Variants in COL5A1 observed in about 807,000 individuals in gnomAD.
COL5A1 encodes collagen alpha-1(V) chain.
In COL5A1, 16 loss-of-function variants were observed where a neutral mutation model predicts 263.7. That is an observed-to-expected ratio of 0.06 (90% confidence interval 0.04 to 0.09). COL5A1 has a LOEUF of 0.09. Ranked by LOEUF, COL5A1 falls within the 10% of genes least tolerant of loss-of-function variation. The pLI, the probability that COL5A1 is intolerant of heterozygous loss-of-function variation, is 1.00. For synonymous variants in COL5A1, 1,012 were observed against 1,004.5 expected (o/e 1.01, Z -0.14); for missense variants, 2,036 against 2,540.5 (o/e 0.80, Z 4.27).
chr9:134,803,125 TC>T, intron 39 of COL5A1, 130 bp downstream of exon 39: 1 of 794,186 alleles, frequency 1.3e-6, no homozygotes, highest in Non-Finnish European at 2.2e-6. Flanking sequence ...GCCGGTTCAC[TC>T]CCCAGACCGC....
In COL5A1 at chr9:134,730,340, T is replaced by C. The variant is rs754187212; in HGVS notation, c.1029T>C (p.Ser343=). ...TCGGGGACTATGACTACGTGCCCAGTGAGGACTACTACACGCCCTCACCGT... is the reference window on the plus strand; with the variant it reads ...TCGGGGACTATGACTACGTGCCCAGCGAGGACTACTACACGCCCTCACCGT... ...VGIGDYDYVP[S]EDYYTPSPYD... Residue 343 remains serine (S), a synonymous_variant, in exon 7 of 66, where the codon AGT becomes AGC. Transcript: ENST00000371817. 6.2e-7 allele frequency: 1 copy of C among 1,614,068 alleles called. No homozygotes were observed.
rs753245063 is a variant in COL5A1 at position 134,835,147 on chromosome 9, C to G, written c.5313C>G (p.Asp1771Glu). 4.3e-6 allele frequency: 7 copies of G among 1,613,876 alleles called. No individual in the cohort carries two copies. The South Asian group carries it at 7.7e-5, about 18-fold the overall frequency. Residue 1771 changes from aspartate to glutamate, a missense_variant, in exon 65 of 66, where the codon GAC becomes GAG. By Grantham distance (45) the Asp-to-Glu change is conservative. Transcript: ENST00000371817. The stretch of plus-strand genomic sequence containing the variant: ...CCCTCCGCTTCCTGGGCTCCAACGA[C>G]GAGGAGATGTCCTATGACAACAACC... ...DKALRFLGSN[D>E]EEMSYDNNPY... is the part of the protein sequence containing the mutation.
intron 57 of COL5A1, 31 bp from the exon 58 acceptor site, chr9:134,820,085 A>G (rs1194684718): frequency 1.3e-6 from 2 of 1,572,422 alleles, no homozygotes; most frequent in Admixed American, 3.3e-5. Context: ...GGCTCCCTCA[A>G]ATGCCCCTTC....
chr9:134,684,857 T>C (rs2132536909), intron 1 of COL5A1, among the ~76,000 whole-genome samples: 1 of 152,340 alleles, frequency 6.6e-6, no homozygotes, highest in Middle Eastern at 3.4e-3. Context: ...CACTTGCTCA[T>C]CTGTTCACTG....
At chr9:134,645,817 G>A (rs115664619) in intron 1 of COL5A1, among the ~76,000 whole-genome samples, 2,789 of 152,282 alleles carry the variant, frequency 0.018, 90 homozygotes, top group African/African-American at 0.062. Flanking sequence ...AGCTCTCCCC[G>A]GGGAGAAGGC....
At chr9:134,815,462 C>A in intron 50 of COL5A1, 114 bp from the exon 51 acceptor site, 1 of 1,069,054 alleles carries the variant, frequency 9.4e-7, no homozygotes, top group Non-Finnish European at 1.4e-6. Context: ...GCTGGAAAGT[C>A]TTAGGAGCTG....
intron 59 of COL5A1, 88 bp from the exon 60 acceptor site, chr9:134,822,910 G>A: frequency 6.8e-7 from 1 of 1,476,150 alleles, no homozygotes; most frequent in Non-Finnish European, 9.4e-7. Context: ...AGGGGCGAGG[G>A]GCGAGACCAG....
intron 38 of COL5A1, 135 bp from the exon 39 acceptor site, chr9:134,802,753 G>GA (rs2132821575): frequency 1.4e-6 from 1 of 720,558 alleles, no homozygotes; most frequent in South Asian, 1.5e-5. Flanking sequence ...GGCTTGCAAA[G>GA]GCACTTGGAG....
In COL5A1 at chr9:134,736,665, T is replaced by C. The variant is rs146940292; in HGVS notation, c.1390-1809T>C. Among the ~76,000 whole-genome samples, 419 of 152,308 alleles carry C rather than the reference T, an allele frequency of 2.8e-3. 1 individual carries two copies. Among genetic ancestry groups the C allele is most frequent in the African/African-American group, 9.8e-3 (407 of 41,564 alleles). ...TTCACTCCATCCGGTACCCACATCA[T>C]CTCAAAAGTTCGAAGTCCAGAGTCT... On this transcript the variant is annotated intron_variant, in intron 9 of 65. Transcript: ENST00000371817.
chr9:134,713,202 G>A (rs1455544882), intron 4 of COL5A1, among the ~76,000 whole-genome samples: 7 of 152,244 alleles, frequency 4.6e-5, no homozygotes, highest in African/African-American at 7.2e-5. Flanking sequence ...GCCACGCCAC[G>A]TGGTCTTCTT....
intron 1 of COL5A1, among the ~76,000 whole-genome samples, chr9:134,655,788 C>T (rs1831950998): frequency 2.0e-5 from 3 of 152,232 alleles, no homozygotes; most frequent in South Asian, 4.1e-4. Flanking sequence ...CAGAGGGTGC[C>T]ATGGGTGCTG....
At position 134,830,399 on chromosome 9, in the gene COL5A1, C is replaced by T. The variant is rs1426519283; in HGVS notation, c.5136+355C>T. On this transcript the variant is annotated intron_variant, in intron 64 of 65. Coordinates refer to ENST00000371817, the MANE Select transcript of COL5A1 (RefSeq NM_000093.5). ...TGCCTGGAGTAGGCAGATGGTTTTC[C>T]GTTTCTGTGTAGGGCGCGCAGAGCT... The T allele has an allele frequency of 2.0e-4, 123 of 603,518 alleles. No homozygotes were observed. The East Asian group carries it at 2.9e-3, about 14-fold the overall frequency. The allele number at this position is 603,518 out of a possible 1,614,324, so 37.4% of individuals were successfully genotyped here.
Position 134,835,047 on chromosome 9 carries a change from C to T in COL5A1, c.5213C>T (p.Ala1738Val). The stretch of plus-strand genomic sequence containing the variant: ...TTCCTGCGGCTGCTGAGCGCCTCTG[C>T]CCACCAGAACGTCACCTACCACTGC... ...MTFLRLLSASAHQNVTYHCYQ... is the reference protein window; with the variant it reads ...MTFLRLLSASVHQNVTYHCYQ... The change falls in exon 65 of 66, where the codon GCC becomes GTC. Residue 1738 changes from alanine to valine, a missense_variant. Coordinates refer to ENST00000371817, the MANE Select transcript of COL5A1 (RefSeq NM_000093.5). 1 of 1,613,480 alleles carries T rather than the reference C, an allele frequency of 6.2e-7. No individual in the cohort carries two copies. Among genetic ancestry groups the T allele is most frequent in the Non-Finnish European group, 8.5e-7 (1 of 1,180,024 alleles).
At chr9:134,649,169 G>A (rs1049074359) in intron 1 of COL5A1, among the ~76,000 whole-genome samples, 8 of 152,172 alleles carry the variant, frequency 5.3e-5, no homozygotes, top group African/African-American at 4.8e-5. Context: ...AGAGAAGACC[G>A]TGGAATGAAT....
At position 134,812,680 on chromosome 9, in the gene COL5A1, G is replaced by A; in HGVS notation, c.3820G>A (p.Gly1274Arg). Reference sequence around the variant, plus strand: ...TGATGGCCCACAAGGTCCCCCAGGTGGAATAGGAAACCCTGGTGCAGTGGG... The same window carrying A: ...TGATGGCCCACAAGGTCCCCCAGGTAGAATAGGAAACCCTGGTGCAGTGGG... ...GADGPQGPPG[G>R]IGNPGAVGEK... Residue 1274 changes from glycine to arginine, a missense_variant, in exon 48 of 66, where the codon GGA becomes AGA. Coordinates refer to ENST00000371817, the MANE Select transcript of COL5A1 (RefSeq NM_000093.5). The A allele has an allele frequency of 1.3e-6, 2 of 1,590,338 alleles. No homozygotes were observed. The highest frequency in any genetic ancestry group is 1.1e-5 in the South Asian group (1 of 87,474).
At position 134,754,656 on chromosome 9, in the gene COL5A1, C is replaced by T. The variant is rs1434821143; in HGVS notation, c.1827+330C>T. On this transcript the variant is annotated intron_variant, in intron 16 of 65. Coordinates refer to ENST00000371817, the MANE Select transcript of COL5A1 (RefSeq NM_000093.5). This position sits in a 1 kb window ranked among gnomAD's most constrained non-coding sequence, Gnocchi z 4.3. ...AACTATCAGCGGGCCTTATATATTTCGGGCAGCACTGGGACTCCAGAAATG... is the reference window on the plus strand; with the variant it reads ...AACTATCAGCGGGCCTTATATATTTTGGGCAGCACTGGGACTCCAGAAATG... Among the ~76,000 whole-genome samples, 4 of 152,228 alleles carry T rather than the reference C, an allele frequency of 2.6e-5. No individual in the cohort carries two copies. The highest frequency in any genetic ancestry group is 5.9e-5 in the Non-Finnish European group (4 of 68,036).
chr9:134,783,977 C>T (rs980624534), intron 29 of COL5A1, among the ~76,000 whole-genome samples: 4 of 152,352 alleles, frequency 2.6e-5, no homozygotes, highest in Middle Eastern at 3.4e-3. Context: ...AGATGACACA[C>T]GTTCCCGTGC....
intron 31 of COL5A1, among the ~76,000 whole-genome samples, chr9:134,786,789 G>A (rs751570101): frequency 5.3e-5 from 8 of 152,082 alleles, no homozygotes; most frequent in Admixed American, 2.0e-4. Flanking sequence ...ATTAACAGCC[G>A]AAGCGGGGTC....
intron 4 of COL5A1, among the ~76,000 whole-genome samples, chr9:134,709,535 G>A (rs1017756223): frequency 1.2e-4 from 18 of 152,308 alleles, no homozygotes; most frequent in African/African-American, 3.4e-4. Context: ...CTGGTGACCC[G>A]CCTGGTAGGT....
Sources: gnomAD v4.1 joint callset for allele counts (sites outside exome capture counted in the v4.1 genomes callset) on GRCh38, gnomAD v4.1.1 for gene constraint, Gnocchi (gnomAD v3.1) non-coding constraint, MANE v1.5 for transcripts, NCBI Gene and HGNC (gene_info 2026-07-23, HGNC 2026-07-21) for gene names.